ACTN2: variants seen among roughly 807,000 people sequenced by gnomAD.
The protein encoded by ACTN2 is actinin alpha 2.
A neutral mutation model predicts 113.8 loss-of-function variants in ACTN2; 39 were observed. That is an observed-to-expected ratio of 0.34 (90% CI 0.27 to 0.45). The LOEUF is 0.45. Ranked by LOEUF, ACTN2 falls within the 20% of genes least tolerant of loss-of-function variation. ACTN2 has a pLI of 1.00. For synonymous variants in ACTN2, 429 were observed against 444.1 expected, an observed-to-expected ratio of 0.97 and a Z score of 0.43; for missense variants, 992 against 1,177.9, an observed-to-expected ratio of 0.84 and a Z score of 2.31.
At chr1:236,733,093 A>G (rs1213421197) in intron 7 of ACTN2, among the ~76,000 whole-genome samples, 1 of 152,248 alleles carries the variant, frequency 6.6e-6, no homozygotes, top group Non-Finnish European at 1.5e-5. Flanking sequence ...AAGTAGGAAC[A>G]TAGGAAATTT....
intron 20 of ACTN2, among the ~76,000 whole-genome samples, chr1:236,761,954 G>A (rs1659720515): frequency 6.6e-6 from 1 of 151,660 alleles, no homozygotes; most frequent in Non-Finnish European, 1.5e-5. Context: ...AAATAGCCCA[G>A]CTGATTTAGA....
intron 1 of ACTN2, among the ~76,000 whole-genome samples, chr1:236,712,932 T>G (rs1381649134): frequency 6.6e-6 from 1 of 151,710 alleles, no homozygotes; most frequent in Admixed American, 6.6e-5. Flanking sequence ...TTTTTTTTTT[T>G]TTAACAACCT....
chr1:236,690,446 G>A (rs142110737), intron 1 of ACTN2, among the ~76,000 whole-genome samples: 25 of 152,294 alleles, frequency 1.6e-4, no homozygotes, highest in African/African-American at 5.3e-4. Flanking sequence ...ACCCAGATGA[G>A]TCGAAGCTCT....
intron 10 of ACTN2, 142 bp from the exon 11 acceptor site, chr1:236,742,754 T>TG: frequency 1.0e-6 from 1 of 965,346 alleles, no homozygotes; most frequent in Non-Finnish European, 1.6e-6. Flanking sequence ...GTTATTGAGG[T>TG]GGGGGGTAAG....
At chr1:236,732,327 A>G (rs1658732544) in intron 7 of ACTN2, among the ~76,000 whole-genome samples, 1 of 152,196 alleles carries the variant, frequency 6.6e-6, no homozygotes, top group Non-Finnish European at 1.5e-5. Context: ...AGCTTCTAGA[A>G]GCCCCAGACA....
rs1658920027 is a variant in ACTN2 at position 236,737,348 on chromosome 1, A to T, written c.876+134A>T. On this transcript the variant is annotated intron_variant, in intron 9 of 20. Coordinates refer to ENST00000366578, the MANE Select transcript of ACTN2 (RefSeq NM_001103.4). ...CATTTTTCATCTCAGATAGGATGAA[A>T]GTAGGAAAATACACTTGATCTCTGA... The T allele has an allele frequency of 1.3e-5, 3 of 234,198 alleles. 1 individual carries two copies. The Admixed American group carries it at 1.8e-4, about 14-fold the overall frequency. The allele number at this position is 234,198 out of a possible 1,614,324, so 14.5% of individuals were successfully genotyped here.
chr1:236,687,434 A>G (rs1665915683), intron 1 of ACTN2, among the ~76,000 whole-genome samples: 1 of 152,202 alleles, frequency 6.6e-6, no homozygotes, highest in Admixed American at 6.5e-5. Flanking sequence ...CTGGGGGCCC[A>G]GTGGAACATT....
At chr1:236,709,008 A>G (rs1244157329) in intron 1 of ACTN2, among the ~76,000 whole-genome samples, 2 of 151,926 alleles carry the variant, frequency 1.3e-5, no homozygotes, top group Non-Finnish European at 2.9e-5. Flanking sequence ...GAATTTGTGA[A>G]GTGGAAAAGA....
At chr1:236,718,692 TC>T (rs1658293213) in intron 2 of ACTN2, among the ~76,000 whole-genome samples, 1 of 152,216 alleles carries the variant, frequency 6.6e-6, no homozygotes, top group African/African-American at 2.4e-5. Context: ...ATAGTATGGC[TC>T]CCTGCTGGTC....
At chr1:236,747,864 G>A in intron 13 of ACTN2, 89 bp downstream of exon 13, 2 of 1,065,422 alleles carry the variant, frequency 1.9e-6, no homozygotes, top group African/African-American at 1.6e-5. Context: ...GTTTCTCTGT[G>A]GCATGAAACA....
At position 236,709,341 on chromosome 1, in the gene ACTN2, C is replaced by CGT. The variant is rs556867315; in HGVS notation, c.127-8514_127-8513dup. On this transcript the variant is annotated intron_variant, in intron 1 of 20. Transcript: ENST00000366578. ...GTATATATATACATGTATATATATA[C>CGT]GTGTATATATATATATACGTGTGTG... 2.0e-3 allele frequency among the ~76,000 whole-genome samples: 216 copies of CGT among 105,374 alleles called. 5 individuals carry two copies. Among genetic ancestry groups the CGT allele is most frequent in the African/African-American group, 8.3e-3 (195 of 23,364 alleles). 69.1% of individuals were successfully genotyped at this position (105,374 alleles called of 152,430 possible).
chr1:236,727,375 T>A (rs1658582971), intron 5 of ACTN2, among the ~76,000 whole-genome samples: 1 of 152,118 alleles, frequency 6.6e-6, no homozygotes, highest in African/African-American at 2.4e-5. Flanking sequence ...ACCCTGGGAC[T>A]GGCCGAGCAG....
At chr1:236,743,508 T>C (rs1361240637) in intron 11 of ACTN2, among the ~76,000 whole-genome samples, 2 of 152,014 alleles carry the variant, frequency 1.3e-5, no homozygotes, top group Admixed American at 1.3e-4. Flanking sequence ...TTCACTTGCA[T>C]TCATCTACTT....
chr1:236,761,313 C>G, intron 20 of ACTN2, 140 bp downstream of exon 20: 1 of 986,858 alleles, frequency 1.0e-6, no homozygotes, highest in Non-Finnish European at 1.5e-6. Context: ...CAGAAGGCAG[C>G]AGATAGACAC....
intron 1 of ACTN2, among the ~76,000 whole-genome samples, chr1:236,704,596 A>G (rs1322899906): frequency 6.6e-6 from 1 of 152,214 alleles, no homozygotes; most frequent in Non-Finnish European, 1.5e-5. Flanking sequence ...ACAGAACTCA[A>G]GGAAACAGGT....
rs1172205052 is a variant in ACTN2, at chr1:236,762,680, G to A, written c.*61G>A. 2 of 1,577,354 alleles carry A rather than the reference G, an allele frequency of 1.3e-6. No individual in the cohort carries two copies. The highest frequency in any genetic ancestry group is 2.7e-5 in the African/African-American group (2 of 74,108). On this transcript the variant is annotated 3_prime_UTR_variant, in exon 21 of 21. Transcript: ENST00000366578. Reference sequence around the variant, plus strand: ...GCAATAAAAGCGGAAGTCACAGTTTGTTTCCTGGAAACTTTGACAAGCTTT... The same window carrying A: ...GCAATAAAAGCGGAAGTCACAGTTTATTTCCTGGAAACTTTGACAAGCTTT...
intron 1 of ACTN2, among the ~76,000 whole-genome samples, chr1:236,688,375 C>G (rs1346161437): frequency 6.8e-6 from 1 of 146,952 alleles, no homozygotes; most frequent in Non-Finnish European, 1.5e-5. Flanking sequence ...CTTTCTGTTG[C>G]CTTTTTTTTT....
intron 8 of ACTN2, among the ~76,000 whole-genome samples, chr1:236,736,390 T>G (rs1361768988): frequency 6.6e-6 from 1 of 152,228 alleles, no homozygotes; most frequent in Non-Finnish European, 1.5e-5. Context: ...GATGAGGACT[T>G]TAAAGGAAAG....
At chr1:236,743,783 C>T (rs1324970283) in intron 11 of ACTN2, among the ~76,000 whole-genome samples, 1 of 152,144 alleles carries the variant, frequency 6.6e-6, no homozygotes, top group African/African-American at 2.4e-5. Context: ...GTTGGAGGCA[C>T]AGTTCTGATG....
Sources: gnomAD v4.1 joint callset for allele counts (sites outside exome capture counted in the v4.1 genomes callset) on GRCh38, gnomAD v4.1.1 for gene constraint, MANE v1.5 for transcripts, NCBI Gene and HGNC (gene_info 2026-07-23, HGNC 2026-07-21) for gene names.